The following FMN1 variants were observed in gnomAD, a reference collection of about 807,000 sequenced individuals.
FMN1 encodes formin-1.
Under a neutral mutation model 132.4 loss-of-function variants are expected in FMN1, and 110 were observed. The observed-to-expected ratio is 0.83, with a 90% CI of 0.71 to 0.97. The LOEUF is 0.97. Ranked by LOEUF, FMN1 falls within the 50% of genes least tolerant of loss-of-function variation. The pLI, the probability that FMN1 is intolerant of heterozygous loss-of-function variation, is 0.00. For synonymous variants in FMN1, 722 were observed against 651.7 expected (o/e 1.11, Z -1.64); for missense variants, 1,792 against 1,705.3 (o/e 1.05, Z -0.90).
rs1295618498 is a variant in FMN1, at chr15:33,149,981, T to C, written c.1867+3067A>G. On this transcript the variant is annotated intron_variant, in intron 4 of 20. Transcript: ENST00000616417. ...AGTTGACATTAATTACATATTTTCA[T>C]GGGCACAAGAATTGATCAAGAGATT... 4.7e-5 allele frequency: 46 copies of C among 985,360 alleles called. No individual in the cohort carries two copies. The South Asian group carries it at 2.2e-3, about 46-fold the overall frequency. The allele number at this position is 985,360 out of a possible 1,614,324, so 61.0% of individuals were successfully genotyped here.
chr15:33,048,644 A>AAAAAAAC lies in FMN1; in HGVS notation c.2161+16312_2161+16313insGTTTTTT. Among the ~76,000 whole-genome samples the AAAAAAAC allele has an allele frequency of 2.2e-4, 19 of 86,922 alleles. 1 individual carries two copies. The highest frequency in any genetic ancestry group is 3.8e-4 in the Non-Finnish European group (16 of 42,102). The allele number at this position is 86,922 out of a possible 152,430, so 57.0% of individuals were successfully genotyped here. The stretch of plus-strand genomic sequence containing the variant: ...TGGGCAATTTACCAAAAAAAAAAAA[A>AAAAAAAC]AAAAACCAACAGTTTAATGGACTTA... On this transcript the variant is annotated intron_variant, in intron 6 of 20. Coordinates refer to ENST00000616417, the MANE Select transcript of FMN1 (RefSeq NM_001277313.2).
At chr15:32,868,106 C>T (rs928194531) in intron 16 of FMN1, among the ~76,000 whole-genome samples, 1 of 152,172 alleles carries the variant, frequency 6.6e-6, no homozygotes, top group Non-Finnish European at 1.5e-5. Flanking sequence ...CAGAATGATG[C>T]TTCTGTCAAT....
chr15:33,122,338 A>T (rs922345823), intron 4 of FMN1, among the ~76,000 whole-genome samples: 3 of 152,226 alleles, frequency 2.0e-5, no homozygotes, highest in African/African-American at 7.2e-5. Flanking sequence ...GCTTTAAAAG[A>T]AGAAAATTTT....
chr15:33,059,506 C>A (rs2037386019), intron 6 of FMN1, among the ~76,000 whole-genome samples: 1 of 152,008 alleles, frequency 6.6e-6, no homozygotes, highest in African/African-American at 2.4e-5. Context: ...ATTTACGTTC[C>A]CACAAAAAAT....
At position 32,768,452 on chromosome 15, in the gene FMN1, T is replaced by C. The variant is rs2056120312; in HGVS notation, c.*5858A>G. On this transcript the variant is annotated 3_prime_UTR_variant, in exon 21 of 21. Coordinates refer to ENST00000616417, the MANE Select transcript of FMN1 (RefSeq NM_001277313.2). ...TTTCCTTCTTGATGTATTAAGATAA[T>C]GCATTGGCAGCTCACACTATACATG... The C allele has an allele frequency of 6.6e-6, 1 of 152,240 alleles. No individual in the cohort carries two copies. Among genetic ancestry groups the C allele is most frequent in the Non-Finnish European group, 1.5e-5 (1 of 68,042 alleles). 9.4% of individuals were successfully genotyped at this position (152,240 alleles called of 1,614,324 possible).
At chr15:32,916,612 C>T (rs1437360475) in intron 10 of FMN1, among the ~76,000 whole-genome samples, 3 of 152,124 alleles carry the variant, frequency 2.0e-5, no homozygotes, top group Non-Finnish European at 4.4e-5. Flanking sequence ...ATGATTTGTA[C>T]GTAGCCTGTT....
intron 6 of FMN1, chr15:33,011,975 A>G (rs995769454): frequency 2.0e-4 from 45 of 226,432 alleles, no homozygotes; most frequent in African/African-American, 1.0e-3. Flanking sequence ...GAACAATGAT[A>G]TTTTCTAATA....
chr15:32,832,902 T>C (rs2058536481), intron 17 of FMN1, among the ~76,000 whole-genome samples: 1 of 152,174 alleles, frequency 6.6e-6, no homozygotes, highest in African/African-American at 2.4e-5. Context: ...TGCCTTCTAA[T>C]GTTGTTTTGT....
intron 6 of FMN1, among the ~76,000 whole-genome samples, chr15:33,024,303 G>A (rs886837372): frequency 7.4e-6 from 1 of 134,602 alleles, no homozygotes; most frequent in Non-Finnish European, 1.5e-5. Context: ...CTGGAGTGCA[G>A]TGACGTGATC....
intron 7 of FMN1, among the ~76,000 whole-genome samples, chr15:32,987,575 A>C (rs2033149530): frequency 6.6e-6 from 1 of 152,168 alleles, no homozygotes; most frequent in African/African-American, 2.4e-5. Context: ...AAAGAAAAAA[A>C]CTTTGATTTT....
intron 18 of FMN1, among the ~76,000 whole-genome samples, chr15:32,803,689 T>G (rs769586006): frequency 6.6e-6 from 1 of 152,152 alleles, no homozygotes; most frequent in Non-Finnish European, 1.5e-5. Flanking sequence ...AAAGACATAA[T>G]AAGTCTCTTG....
Position 32,767,842 on chromosome 15 carries a change from C to G in FMN1, c.*6468G>C, listed in dbSNP as rs2056098664. On this transcript the variant is annotated 3_prime_UTR_variant, in exon 21 of 21. Transcript: ENST00000616417. The stretch of plus-strand genomic sequence containing the variant: ...AACAGAAGAATTGATACTAGACTTT[C>G]CCTCTCACTCATGGATTTGTTTTCA... 6.6e-6 allele frequency: 1 copy of G among 152,110 alleles called. No individual in the cohort carries two copies. The highest frequency in any genetic ancestry group is 1.5e-5 in the Non-Finnish European group (1 of 68,024). 9.4% of individuals were successfully genotyped at this position (152,110 alleles called of 1,614,324 possible).
At chr15:33,088,509 C>CT (rs1335360119) in intron 5 of FMN1, among the ~76,000 whole-genome samples, 1 of 152,166 alleles carries the variant, frequency 6.6e-6, no homozygotes, top group Non-Finnish European at 1.5e-5. Context: ...CCAGTGGGTA[C>CT]TCCCACAATG....
intron 4 of FMN1, among the ~76,000 whole-genome samples, chr15:33,098,406 C>A (rs2039167095): frequency 6.6e-6 from 1 of 152,214 alleles, no homozygotes; most frequent in Admixed American, 6.5e-5. Flanking sequence ...ACCTCCCCCT[C>A]TCTAGGCTTC....
intron 15 of FMN1, among the ~76,000 whole-genome samples, chr15:32,898,454 G>C (rs1046708384): frequency 6.6e-6 from 1 of 152,016 alleles, no homozygotes; most frequent in African/African-American, 2.4e-5. Flanking sequence ...ATAAAATATT[G>C]GGTATTACTG....
chr15:32,988,518 T>C (rs759843331), intron 7 of FMN1, among the ~76,000 whole-genome samples: 1 of 152,204 alleles, frequency 6.6e-6, no homozygotes, highest in Non-Finnish European at 1.5e-5. Flanking sequence ...TGATGGTTTT[T>C]CTGCCCATCA....
At chr15:33,122,063 G>C (rs954528345) in intron 4 of FMN1, among the ~76,000 whole-genome samples, 4 of 152,058 alleles carry the variant, frequency 2.6e-5, no homozygotes, top group Admixed American at 2.6e-4. Flanking sequence ...ACAAAGAACA[G>C]ACAAATAAAG....
At chr15:32,882,607 T>C (rs1007161489) in intron 16 of FMN1, among the ~76,000 whole-genome samples, 2 of 152,208 alleles carry the variant, frequency 1.3e-5, no homozygotes, top group African/African-American at 4.8e-5. Context: ...TTGACTTTAT[T>C]ATTGCTTTTA....
chr15:32,798,178 G>GAA (rs1555457387), intron 19 of FMN1, among the ~76,000 whole-genome samples: 7,712 of 147,040 alleles, frequency 0.052, 409 homozygotes, highest in Admixed American at 0.1. Flanking sequence ...TAAGGAAAAC[G>GAA]CACACACACA....
Sources: gnomAD v4.1 joint callset for allele counts (sites outside exome capture counted in the v4.1 genomes callset) on GRCh38, gnomAD v4.1.1 for gene constraint, MANE v1.5 for transcripts, NCBI Gene and HGNC (gene_info 2026-07-23, HGNC 2026-07-21) for gene names.